The following MUC5B variants were observed in gnomAD, a reference collection of about 807,000 sequenced individuals.
The protein encoded by MUC5B is mucin-5B.
A neutral mutation model predicts 376.9 loss-of-function variants in MUC5B; 116 were observed. That is an observed-to-expected ratio of 0.31 (90% CI 0.26 to 0.36). The LOEUF is 0.36. Among genes scored for constraint, MUC5B ranks in the 10% least tolerant of loss-of-function variants. The probability of loss-of-function intolerance (pLI) is 1.00; values close to 1 mark genes in which losing one functional copy is unlikely to be tolerated. For missense variants in MUC5B, 7,165 were observed against 7,769.9 expected, an observed-to-expected ratio of 0.92 and a Z score of 2.93; for synonymous variants, 3,517 against 3,390.9, an observed-to-expected ratio of 1.04 and a Z score of -1.29.
At position 1,246,433 on chromosome 11, in the gene MUC5B, T is replaced by A; in HGVS notation, c.9553T>A (p.Ser3185Thr). 3 of 1,611,930 alleles carry A rather than the reference T, an allele frequency of 1.9e-6. No individual in the cohort carries two copies. Among genetic ancestry groups the A allele is most frequent in the Non-Finnish European group, 2.5e-6 (3 of 1,179,360 alleles). The stretch of plus-strand genomic sequence containing the variant: ...CACCGGATCCACGGCCACCGCCTCC[T>A]CCACCCGGGCAACTGCTGGCACCCT... Reference protein sequence around the residue: ...VPTGSTATASSTRATAGTLKV... With the variant: ...VPTGSTATASTTRATAGTLKV... The change falls in exon 31 of 49, where the codon TCC (serine) becomes ACC (threonine). Residue 3185 changes from serine (S) to threonine (T), a missense_variant. Ser to Thr is a moderately conservative substitution (Grantham distance 58, BLOSUM62 1). Transcript: ENST00000529681.
In MUC5B at chr11:1,258,274, C is replaced by T. The variant is rs777345489; in HGVS notation, c.16556-56C>T. On this transcript the variant is annotated intron_variant, in intron 42 of 48. Transcript: ENST00000529681. The surrounding 1 kb of genome is among the most constrained non-coding windows in gnomAD (Gnocchi z 5.5). The stretch of plus-strand genomic sequence containing the variant: ...GTGGGGGAGTGCAGGATGGTGGGGG[C>T]GCTGGAGCACATGCTCCCCACCACT... 3.9e-5 allele frequency: 62 copies of T among 1,593,356 alleles called. No homozygotes were observed. Among genetic ancestry groups the T allele is most frequent in the South Asian group, 6.8e-5 (6 of 88,436 alleles).
chr11:1,260,294 G>T, intron 46 of MUC5B, 57 bp from the exon 47 acceptor site: 1 of 1,556,154 alleles, frequency 6.4e-7, no homozygotes, highest in Non-Finnish European at 8.8e-7. Context: ...CCAGGAGGCC[G>T]CACCCACCAG....
At position 1,233,160 on chromosome 11, in the gene MUC5B, C is replaced by T; in HGVS notation, c.2213C>T (p.Thr738Ile). Residue 738 changes from threonine to isoleucine, a missense_variant, in exon 18 of 49, where the codon ACC becomes ATC. By Grantham distance (89) the Thr-to-Ile change is moderately conservative. This residue lies in a region of MUC5B where 530 missense variants were observed against 604.0 expected (regional missense o/e 0.88). Coordinates refer to ENST00000529681, the MANE Select transcript of MUC5B (RefSeq NM_002458.3). ...GACGGCTGCACCTGCCCCGCGGGCA[C>T]CTTCCTCAATGACGCGGGCGCCTGT... ...PVDGCTCPAG[T>I]FLNDAGACVP... The T allele has an allele frequency of 6.2e-7, 1 of 1,606,588 alleles. No individual in the cohort carries two copies. Among genetic ancestry groups the T allele is most frequent in the East Asian group, 2.2e-5 (1 of 44,858 alleles).
rs1862480486 is a variant in MUC5B at position 1,246,674 on chromosome 11, C to A, written c.9794C>A (p.Ala3265Asp). The part of the protein sequence containing the change: ...TTTPTATMST[A>D]TPSSTPETVH... The stretch of plus-strand genomic sequence containing the variant: ...ACACCCACGGCCACCATGTCCACAG[C>A]CACACCCTCCTCTACTCCAGAGACT... The change falls in exon 31 of 49, where the codon GCC becomes GAC. Residue 3265 changes from alanine (A) to aspartate (D), a missense_variant. Ala to Asp is a moderately radical substitution (Grantham distance 126). This residue lies in a region of MUC5B where 939 missense variants were observed against 770.6 expected (regional missense o/e 1.22). Coordinates refer to ENST00000529681, the MANE Select transcript of MUC5B (RefSeq NM_002458.3). 3.1e-6 allele frequency: 5 copies of A among 1,610,730 alleles called. No individual in the cohort carries two copies. Among genetic ancestry groups the A allele is most frequent in the Admixed American group, 1.7e-5 (1 of 59,924 alleles).
chr11:1,260,582 G>A, intron 47 of MUC5B, 44 bp from the exon 48 acceptor site: 1 of 1,551,372 alleles, frequency 6.4e-7, no homozygotes, highest in Non-Finnish European at 8.9e-7. Context: ...GGCCCTCAGA[G>A]TGAGGGTCCA....
chr11:1,243,431 C>A lies in MUC5B; in HGVS notation c.6551C>A (p.Thr2184Asn). 3 of 1,490,484 alleles carry A rather than the reference C, an allele frequency of 2.0e-6. 1 individual carries two copies. In the South Asian group the frequency reaches 3.5e-5, roughly 17 times the overall value. 92.3% of individuals were successfully genotyped at this position (1,490,484 alleles called of 1,614,324 possible). The stretch of plus-strand genomic sequence containing the variant: ...GTGACTCCCTCCTCTGCCCTAGGGA[C>A]CACCCACACACCCCCAGTGCCGAAC... ...NTVTPSSALG[T>N]THTPPVPNTM... Residue 2184 changes from threonine to asparagine, a missense_variant, in exon 31 of 49, where the codon ACC becomes AAC. By Grantham distance (65) the Thr-to-Asn change is moderately conservative. Transcript: ENST00000529681.
rs371973587 is a variant in MUC5B, at chr11:1,249,245, C to T, written c.12365C>T (p.Thr4122Met). The change falls in exon 31 of 49, where the codon ACG (threonine) becomes ATG (methionine). Residue 4122 changes from threonine to methionine, a missense_variant. By Grantham distance (81) the Thr-to-Met change is moderately conservative. This residue lies in a region of MUC5B where 47 missense variants were observed against 88.4 expected (regional missense o/e 0.53). Transcript: ENST00000529681. ...PSSPTSAPIT[T>M]VVTTGCEPQC... Reference sequence around the variant, plus strand: ...AGCCCCACATCGGCCCCCATAACCACGGTGGTGACCACGGGCTGTGAGCCC... The same window carrying T: ...AGCCCCACATCGGCCCCCATAACCATGGTGGTGACCACGGGCTGTGAGCCC... The T allele has an allele frequency of 8.5e-4, 1,364 of 1,611,434 alleles. 6 individuals are homozygous for T. The Middle Eastern group carries it at 9.9e-3, about 12-fold the overall frequency.
rs201748966 is a variant in MUC5B, at chr11:1,250,004, C to T, written c.13124C>T (p.Ala4375Val). 39,779 of 1,600,006 alleles carry T rather than the reference C, an allele frequency of 0.025. No homozygotes were observed. Among genetic ancestry groups the T allele is most frequent in the Non-Finnish European group, 0.028 (32,909 of 1,169,610 alleles). ...ACCACGAAGGCCACCACGACAAGGG[C>T]CACCAGTTCCACGTCCACCCCCTCC... The part of the protein sequence containing the change: ...VLTTKATTTR[A>V]TSSTSTPSST... Residue 4375 changes from alanine (A) to valine (V), a missense_variant, in exon 31 of 49, where the codon GCC becomes GTC. Physicochemically the swap from Ala to Val is moderately conservative, Grantham distance 64. This residue lies in a region of MUC5B where 431 missense variants were observed against 390.4 expected (regional missense o/e 1.10). Coordinates refer to ENST00000529681, the MANE Select transcript of MUC5B (RefSeq NM_002458.3).
rs1360979090 is a variant in MUC5B, at chr11:1,252,347, A to T, written c.14868A>T (p.Glu4956Asp). The T allele has an allele frequency of 1.3e-6, 2 of 1,548,826 alleles. No individual in the cohort carries two copies. Among genetic ancestry groups the T allele is most frequent in the Non-Finnish European group, 1.7e-6 (2 of 1,146,042 alleles). ...RAFGQFFSPG[E>D]VIYNKTDRAG... ...CTATGGTGTTGTTCTTCACAGGGGA[A>T]GTCATCTACAATAAGACCGACCGAG... Residue 4956 changes from glutamate (E) to aspartate (D), a missense_variant, in exon 32 of 49, where the codon GAA (glutamate) becomes GAT (aspartate). By Grantham distance (45) the Glu-to-Asp change is conservative. This residue lies in a region of MUC5B where 730 missense variants were observed against 592.7 expected (regional missense o/e 1.23). Transcript: ENST00000529681.
Position 1,234,140 on chromosome 11 carries a change from C to G in MUC5B, c.2378-65C>G, listed in dbSNP as rs547452594. The stretch of plus-strand genomic sequence containing the variant: ...ATCAGCAGGACAGGCTCAGGGCTGC[C>G]TGGGGTCAGTTGAGGGCCGTGGCTG... On this transcript the variant is annotated intron_variant, in intron 19 of 48. Coordinates refer to ENST00000529681, the MANE Select transcript of MUC5B (RefSeq NM_002458.3). This position sits in a 1 kb window ranked among gnomAD's most constrained non-coding sequence, Gnocchi z 6.3. 4.5e-4 allele frequency: 605 copies of G among 1,346,188 alleles called. 5 individuals are homozygous for G. The African/African-American group carries it at 7.8e-3, about 17-fold the overall frequency. 83.4% of individuals were successfully genotyped at this position (1,346,188 alleles called of 1,614,324 possible). A position where few individuals can be genotyped will look rare whatever the true frequency, so the allele number is the denominator to read the frequency against.
At position 1,244,657 on chromosome 11, in the gene MUC5B, G is replaced by T; in HGVS notation, c.7777G>T (p.Val2593Leu). ...CACCACAACCGGGGCCACCGGCTCT[G>T]TGGCCACCCCCTCCTCCACCCCAGG... ...TATTTGATGS[V>L]ATPSSTPGTA... is the part of the protein sequence containing the mutation. Residue 2593 changes from valine to leucine, a missense_variant, in exon 31 of 49, where the codon GTG (valine) becomes TTG (leucine). Physicochemically the swap from Val to Leu is conservative, Grantham distance 32. Transcript: ENST00000529681. The T allele has an allele frequency of 1.2e-6, 2 of 1,607,438 alleles. No homozygotes were observed. The highest frequency in any genetic ancestry group is 1.7e-6 in the Non-Finnish European group (2 of 1,177,806).
chr11:1,260,817 C>A, intron 48 of MUC5B, 89 bp downstream of exon 48: 1 of 966,370 alleles, frequency 1.0e-6, no homozygotes, highest in South Asian at 1.4e-5. Context: ...TGCTCTGGGT[C>A]AGGAGGGCCT....
At position 1,246,457 on chromosome 11, in the gene MUC5B, C is replaced by G. The variant is rs764880466; in HGVS notation, c.9577C>G (p.Leu3193Val). The G allele has an allele frequency of 6.2e-7, 1 of 1,613,528 alleles. No homozygotes were observed. The highest frequency in any genetic ancestry group is 8.5e-7 in the Non-Finnish European group (1 of 1,179,758). Reference sequence around the variant, plus strand: ...CTCCACCCGGGCAACTGCTGGCACCCTCAAAGTGCTGACCAGCACGGCCAC... The same window carrying G: ...CTCCACCCGGGCAACTGCTGGCACCGTCAAAGTGCTGACCAGCACGGCCAC... The part of the protein sequence containing the change: ...ASSTRATAGT[L>V]KVLTSTATTP... The change falls in exon 31 of 49, where the codon CTC (leucine) becomes GTC (valine). Residue 3193 changes from leucine (L) to valine (V), a missense_variant. Physicochemically the swap from Leu to Val is conservative, Grantham distance 32. Around this residue, in one of 31 missense-constraint regions of MUC5B, gnomAD observed 939 missense variants for 770.6 expected, o/e 1.22. Coordinates refer to ENST00000529681, the MANE Select transcript of MUC5B (RefSeq NM_002458.3).
Position 1,242,590 on chromosome 11 carries a change from A to C in MUC5B, c.5710A>C (p.Thr1904Pro). The change falls in exon 31 of 49, where the codon ACC (threonine) becomes CCC (proline). Residue 1904 changes from threonine to proline, a missense_variant. By Grantham distance (38) the Thr-to-Pro change is conservative. This residue lies in a region of MUC5B where 897 missense variants were observed against 779.6 expected (regional missense o/e 1.15). Transcript: ENST00000529681. ...TATPSSTPGT[T>P]WILTKPTTTA... is the part of the protein sequence containing the mutation. ...CACGCCCTCCTCAACTCCGGGGACG[A>C]CCTGGATCCTCACAAAGCCGACCAC... is the stretch of plus-strand genomic sequence containing the variant. 2 of 1,613,174 alleles carry C rather than the reference A, an allele frequency of 1.2e-6. No individual in the cohort carries two copies. The highest frequency in any genetic ancestry group is 1.7e-6 in the Non-Finnish European group (2 of 1,179,674).
chr11:1,223,444 A>T, intron 1 of MUC5B: 1 of 578,258 alleles, frequency 1.7e-6, no homozygotes, highest in Non-Finnish European at 3.2e-6. Context: ...CCGCAGGGCA[A>T]GGCCCCTGGG....
chr11:1,229,496 C>G (rs1861972171), intron 9 of MUC5B, among the ~76,000 whole-genome samples, 194 bp from the exon 10 acceptor site: 1 of 152,220 alleles, frequency 6.6e-6, no homozygotes, highest in Non-Finnish European at 1.5e-5. Context: ...TGCCATGAGC[C>G]AGCTGGGCAT....
chr11:1,239,663 G>A (rs570741466), intron 27 of MUC5B, 97 bp downstream of exon 27: 68 of 1,496,896 alleles, frequency 4.5e-5, no homozygotes, highest in East Asian at 2.1e-4. Flanking sequence ...GTAGGCTCCC[G>A]TAAACTGCAC....
In MUC5B at chr11:1,244,176, G is replaced by A. The variant is rs1293066368; in HGVS notation, c.7296G>A (p.Thr2432=). Residue 2432 remains threonine (T), a synonymous_variant, in exon 31 of 49, where the codon ACG becomes ACA. Transcript: ENST00000529681. ...CCATGCCCTCCTCCACTCCGGGGAC[G>A]ACCTGGATCCTCACAGAGCTGACCA... The part of the protein sequence containing the change: ...STAMPSSTPG[T]TWILTELTTT... 4 of 1,612,618 alleles carry A rather than the reference G, an allele frequency of 2.5e-6. No homozygotes were observed. Among genetic ancestry groups the A allele is most frequent in the Admixed American group, 1.7e-5 (1 of 59,946 alleles).
At position 1,233,264 on chromosome 11, in the gene MUC5B, G is replaced by A. The variant is rs375763678; in HGVS notation, c.2317G>A (p.Val773Met). The A allele has an allele frequency of 4.9e-5, 77 of 1,561,942 alleles. No homozygotes were observed. Among genetic ancestry groups the A allele is most frequent in the Middle Eastern group, 1.7e-4 (1 of 5,950 alleles). ...AGAGGTGGTGCACGACGAGGGCGCC[G>A]TGTGGTAAGGGTCTGGGGGGAAAGC... ...PGEVVHDEGA[V>M]CSCTGGKLSC... Residue 773 changes from valine to methionine, a missense_variant, in exon 18 of 49, where the codon GTG becomes ATG. Transcript: ENST00000529681.
Sources: allele counts gnomAD v4.1 joint callset (sites outside exome capture counted in the v4.1 genomes callset), GRCh38; gene constraint gnomAD v4.1.1; regional missense constraint gnomAD v4.1.1; non-coding constraint Gnocchi (gnomAD v3.1); transcripts MANE v1.5; gene names NCBI Gene and HGNC (gene_info 2026-07-23, HGNC 2026-07-21).